The following WAPL variants were observed in gnomAD, a reference collection of about 807,000 sequenced individuals.
WAPL encodes WAPL cohesin release factor, also known as wings apart-like protein homolog.
Under a neutral mutation model 121.0 loss-of-function variants are expected in WAPL, and 5 were observed. The ratio of observed to expected loss-of-function variants is 0.04; its 90% confidence interval spans 0.02 to 0.09. WAPL has a LOEUF of 0.09. Ranked by LOEUF, WAPL falls within the 10% of genes least tolerant of loss-of-function variation. The pLI, the probability that WAPL is intolerant of heterozygous loss-of-function variation, is 1.00. For missense variants in WAPL, 999 were observed against 1,410.8 expected (o/e 0.71, Z 4.68); for synonymous variants, 480 against 481.5 (o/e 1.00, Z 0.04).
intron 3 of WAPL, among the ~76,000 whole-genome samples, chr10:86,498,916 C>T (rs1842196560): frequency 6.6e-6 from 1 of 152,144 alleles, no homozygotes; most frequent in African/African-American, 2.4e-5. Flanking sequence ...TTTATTAAAC[C>T]AACTTAGGAG....
At chr10:86,444,892 CAAAA>C (rs35307250) in intron 16 of WAPL, among the ~76,000 whole-genome samples, 95 of 68,194 alleles carry the variant, frequency 1.4e-3, no homozygotes, top group South Asian at 2.1e-3. Context: ...GTTATTACGC[CAAAA>C]AAAAAAAAAA....
At position 86,454,953 on chromosome 10, in the gene WAPL, C is replaced by T. The variant is rs1281185433; in HGVS notation, c.2658-1122G>A. ...CCGTCTGAGAAGTGAGGAGCCCCTC[C>T]GCCCGGCAGCCGCCCGGTCTGGGAA... On this transcript the variant is annotated intron_variant, in intron 12 of 18. Coordinates refer to ENST00000298767, the MANE Select transcript of WAPL (RefSeq NM_015045.5). 2.0e-4 allele frequency among the ~76,000 whole-genome samples: 29 copies of T among 144,496 alleles called. No individual in the cohort carries two copies. The South Asian group carries it at 2.7e-3, about 13-fold the overall frequency. 94.8% of individuals were successfully genotyped at this position (144,496 alleles called of 152,430 possible). A position where few individuals can be genotyped will look rare whatever the true frequency, so the allele number is the denominator to read the frequency against.
chr10:86,438,271 T>A (rs75339542), intron 17 of WAPL, among the ~76,000 whole-genome samples: 63 of 148,408 alleles, frequency 4.2e-4, no homozygotes, highest in South Asian at 4.4e-4. Flanking sequence ...TTTTTTTTTT[T>A]AAATGAAACA....
chr10:86,494,284 G>A (rs1191470850), intron 4 of WAPL, among the ~76,000 whole-genome samples: 1 of 152,202 alleles, frequency 6.6e-6, no homozygotes, highest in Non-Finnish European at 1.5e-5. Context: ...TCTGCTGCAT[G>A]CAAAGTACAG....
chr10:86,475,559 A>C (rs1362821266), intron 4 of WAPL, among the ~76,000 whole-genome samples: 2 of 152,254 alleles, frequency 1.3e-5, no homozygotes, highest in Non-Finnish European at 2.9e-5. Context: ...GATTGTGTAC[A>C]CAAACCCATC....
intron 1 of WAPL, 68 bp from the exon 2 acceptor site, chr10:86,518,159 A>G (rs1346743630): frequency 1.2e-5 from 17 of 1,437,402 alleles, no homozygotes; most frequent in South Asian, 1.4e-5. Flanking sequence ...ATATAAAAAT[A>G]AAAACCTAGG....
chr10:86,473,499 A>G (rs1164987596), intron 5 of WAPL, among the ~76,000 whole-genome samples: 2 of 152,214 alleles, frequency 1.3e-5, no homozygotes, highest in Non-Finnish European at 2.9e-5. Flanking sequence ...CTGAAAAGCA[A>G]ATTAAGCACT....
At chr10:86,460,906 T>C (rs1241894646) in intron 10 of WAPL, among the ~76,000 whole-genome samples, 1 of 152,020 alleles carries the variant, frequency 6.6e-6, no homozygotes, top group Non-Finnish European at 1.5e-5. Context: ...AGAGACGGGG[T>C]TTCTCCATGT....
At chr10:86,440,038 A>G (rs754423251) in intron 17 of WAPL, among the ~76,000 whole-genome samples, 3 of 152,206 alleles carry the variant, frequency 2.0e-5, no homozygotes, top group Non-Finnish European at 4.4e-5. Flanking sequence ...AAGGCAACAA[A>G]TAAATCTGGG....
chr10:86,460,976 G>C (rs1161187579), intron 10 of WAPL, among the ~76,000 whole-genome samples, 200 bp downstream of exon 10: 1 of 152,198 alleles, frequency 6.6e-6, no homozygotes, highest in Non-Finnish European at 1.5e-5. Flanking sequence ...GCCTCCCAAA[G>C]TGCTGGGATT....
intron 2 of WAPL, among the ~76,000 whole-genome samples, chr10:86,511,778 G>T (rs546893150): frequency 7.2e-5 from 11 of 152,160 alleles, no homozygotes; most frequent in African/African-American, 2.2e-4. Context: ...AAAAAATATA[G>T]AAATTAGCCC....
chr10:86,442,447 T>C (rs1037945057), intron 17 of WAPL, among the ~76,000 whole-genome samples: 2 of 152,226 alleles, frequency 1.3e-5, no homozygotes, highest in Non-Finnish European at 2.9e-5. Flanking sequence ...ATTTCATGTA[T>C]GTAATTCTTC....
intron 5 of WAPL, among the ~76,000 whole-genome samples, chr10:86,473,227 CT>C (rs1374715383): frequency 6.6e-6 from 1 of 152,130 alleles, no homozygotes; most frequent in African/African-American, 2.4e-5. Flanking sequence ...AAAATGATTT[CT>C]TTATACTATC....
intron 4 of WAPL, among the ~76,000 whole-genome samples, chr10:86,483,966 G>C (rs1841867342): frequency 6.6e-6 from 1 of 151,392 alleles, no homozygotes; most frequent in Admixed American, 6.6e-5. Flanking sequence ...TGACCCACCT[G>C]CCTCAACTTC....
rs188260973 is a variant in WAPL, at chr10:86,486,800, C to T, written c.1644+10401G>A. 1.6e-3 allele frequency among the ~76,000 whole-genome samples: 242 copies of T among 152,104 alleles called. 1 individual carries two copies. Among genetic ancestry groups the T allele is most frequent in the African/African-American group, 5.5e-3 (230 of 41,492 alleles). On this transcript the variant is annotated intron_variant, in intron 4 of 18. Coordinates refer to ENST00000298767, the MANE Select transcript of WAPL (RefSeq NM_015045.5). ...TGAAACCCCATCTCTACAAAAAATA[C>T]AAAAAATTAGCTGGACGCAGTGGCG...
chr10:86,493,658 T>C (rs1842091138), intron 4 of WAPL, among the ~76,000 whole-genome samples: 2 of 151,610 alleles, frequency 1.3e-5, no homozygotes, highest in South Asian at 4.2e-4. Context: ...GCCTCCCAAG[T>C]AGCTTGGACT....
intron 17 of WAPL, among the ~76,000 whole-genome samples, chr10:86,439,691 C>G (rs910859903): frequency 6.6e-6 from 1 of 152,220 alleles, no homozygotes; most frequent in African/African-American, 2.4e-5. Flanking sequence ...CATGAGTCCC[C>G]TTCCTGGCTG....
At chr10:86,477,438 ATG>A (rs1841684084) in intron 4 of WAPL, among the ~76,000 whole-genome samples, 1 of 152,220 alleles carries the variant, frequency 6.6e-6, no homozygotes, top group Non-Finnish European at 1.5e-5. Flanking sequence ...ACCTAGCTAA[ATG>A]TTAACAGAGT....
intron 13 of WAPL, 134 bp downstream of exon 13, chr10:86,453,522 C>T: frequency 1.6e-6 from 2 of 1,234,972 alleles, no homozygotes. Flanking sequence ...GCAATTTAAA[C>T]CTACACATGA....
Sources: gnomAD v4.1 joint callset for allele counts (sites outside exome capture counted in the v4.1 genomes callset) on GRCh38, gnomAD v4.1.1 for gene constraint, MANE v1.5 for transcripts, NCBI Gene and HGNC (gene_info 2026-07-23, HGNC 2026-07-21) for gene names.